IFT20: variants seen among roughly 807,000 people sequenced by gnomAD.
The protein encoded by IFT20 is intraflagellar transport protein 20 homolog.
In IFT20, 4 loss-of-function variants were observed where a neutral mutation model predicts 16.9. The observed-to-expected ratio is 0.24, with a 90% CI of 0.12 to 0.54. The LOEUF is 0.54. Among genes scored for constraint, IFT20 ranks in the 20% least tolerant of loss-of-function variants. The pLI is 0.95. For missense variants in IFT20, 154 were observed against 149.7 expected (o/e 1.03, Z -0.15); for synonymous variants, 48 against 49.9 (o/e 0.96, Z 0.16).
intron 2 of IFT20, 32 bp downstream of exon 2, chr17:28,331,827 G>A: frequency 6.2e-7 from 1 of 1,613,684 alleles, no homozygotes; most frequent in Non-Finnish European, 8.5e-7. Context: ...GCAGCTCAAA[G>A]CTGAGTGGCA....
chr17:28,330,605 G>T, intron 2 of IFT20, 77 bp from the exon 3 acceptor site: 2 of 994,068 alleles, frequency 2.0e-6, no homozygotes, highest in East Asian at 2.4e-5. Flanking sequence ...AAGGCAGTGA[G>T]AGGGCAGAGC....
At chr17:28,332,016 C>T (rs1172110204) in intron 1 of IFT20, 29 bp from the exon 2 acceptor site, 14 of 1,613,642 alleles carry the variant, frequency 8.7e-6, no homozygotes, top group Non-Finnish European at 1.2e-5. Context: ...AATTCCTCAT[C>T]ACTTCCCAGC....
chr17:28,331,735 C>T, intron 2 of IFT20, 124 bp downstream of exon 2: 2 of 1,270,870 alleles, frequency 1.6e-6, no homozygotes, highest in Non-Finnish European at 2.2e-6. Flanking sequence ...CGTGGGAACT[C>T]ACAGACGCCA....
At chr17:28,333,901 A>T (rs1236447020) in intron 1 of IFT20, among the ~76,000 whole-genome samples, 1 of 152,168 alleles carries the variant, frequency 6.6e-6, no homozygotes, top group Non-Finnish European at 1.5e-5. Flanking sequence ...ACTGCACTCC[A>T]GCCTGGGCAA....
At chr17:28,329,320 T>A in intron 3 of IFT20, 44 bp from the exon 4 acceptor site, 1 of 1,484,564 alleles carries the variant, frequency 6.7e-7, no homozygotes, top group Non-Finnish European at 9.4e-7. Flanking sequence ...TAAAACCATC[T>A]ACAGCATCAA....
intron 1 of IFT20, among the ~76,000 whole-genome samples, chr17:28,334,170 G>T (rs1555576997): frequency 6.6e-6 from 1 of 152,232 alleles, no homozygotes; most frequent in Non-Finnish European, 1.5e-5. Context: ...ATTACTATAA[G>T]GAAAAGTACA....
At chr17:28,332,204 C>G in intron 1 of IFT20, 1 of 1,536,612 alleles carries the variant, frequency 6.5e-7, no homozygotes, top group Non-Finnish European at 8.7e-7. Context: ...CAGTGGCAGT[C>G]AGGAGGAGGT....
intron 2 of IFT20, chr17:28,331,505 G>C (rs1906776866): frequency 4.9e-6 from 1 of 202,352 alleles, no homozygotes; most frequent in Admixed American, 5.4e-5. Context: ...ACCTGCCCCT[G>C]AGAAGACTTT....
intron 3 of IFT20, 187 bp from the exon 4 acceptor site, chr17:28,329,463 C>T (rs569588849): frequency 1.9e-5 from 11 of 568,896 alleles, no homozygotes; most frequent in African/African-American, 7.5e-5. Context: ...AAGAACTAGA[C>T]GGCAGCTTTG....
Position 28,331,970 on chromosome 17 carries a change from G to A in IFT20, c.16C>T (p.Leu6=), listed in dbSNP as rs1555576632. ...TCAAAGTGTAGCCCTGCTTCACCCA[G>A]GATGTCCTTGGCCATGGCTGTAAAG... MAKDI[L]GEAGLHFDEL... The change falls in exon 2 of 5, where the codon CTG becomes TTG. Residue 6 remains leucine (L), a synonymous_variant. Coordinates refer to ENST00000395418, the MANE Select transcript of IFT20 (RefSeq NM_001267776.2). The A allele has an allele frequency of 1.8e-5, 29 of 1,614,226 alleles. No homozygotes were observed. The highest frequency in any genetic ancestry group is 2.4e-5 in the Non-Finnish European group (28 of 1,180,036).
intron 3 of IFT20, 25 bp from the exon 4 acceptor site, chr17:28,329,301 T>C (rs1389213772): frequency 6.3e-7 from 1 of 1,583,312 alleles, no homozygotes; most frequent in Non-Finnish European, 8.7e-7. Context: ...GAGAAGGCCA[T>C]GGCTTCATTA....
intron 4 of IFT20, 109 bp from the exon 5 acceptor site, chr17:28,328,842 A>G (rs1906514652): frequency 1.3e-6 from 1 of 770,480 alleles, no homozygotes; most frequent in Middle Eastern, 3.8e-4. Context: ...AAATGGTGTG[A>G]GTTCAGAATG....
chr17:28,330,235 CAAAAAA>C, intron 3 of IFT20: 2 of 526,842 alleles, frequency 3.8e-6, no homozygotes, highest in Non-Finnish European at 6.6e-6. Flanking sequence ...GACTCTGTCT[CAAAAAA>C]AAAAAAAAAA....
At chr17:28,332,513 T>A in intron 1 of IFT20, 1 of 294,106 alleles carries the variant, frequency 3.4e-6, no homozygotes, top group Non-Finnish European at 6.5e-6. Context: ...TTGTAAGCCA[T>A]CAGTGTATTT....
intron 3 of IFT20, chr17:28,329,598 T>C (rs1477116518): frequency 4.1e-6 from 1 of 242,896 alleles, no homozygotes; most frequent in African/African-American, 2.3e-5. Flanking sequence ...ATTTATAAAA[T>C]GAGGATAAGA....
intron 1 of IFT20, among the ~76,000 whole-genome samples, chr17:28,333,186 A>G (rs1906912424): frequency 1.3e-5 from 2 of 152,062 alleles, no homozygotes; most frequent in Admixed American, 1.3e-4. Context: ...TGCTATGCCA[A>G]TTCTAAAACC....
chr17:28,331,316 C>T (rs1236476357), intron 2 of IFT20: 1 of 155,356 alleles, frequency 6.4e-6, no homozygotes, highest in Non-Finnish European at 1.4e-5. Flanking sequence ...TAGGAAACCC[C>T]CCAGAAAGCT....
At chr17:28,328,843 G>A in intron 4 of IFT20, 110 bp from the exon 5 acceptor site, 3 of 768,268 alleles carry the variant, frequency 3.9e-6, no homozygotes, top group Non-Finnish European at 6.7e-6. Context: ...AATGGTGTGA[G>A]TTCAGAATGA....
rs181131314 is a variant in IFT20 at position 28,330,368 on chromosome 17, A to G, written c.213+75T>C. The G allele has an allele frequency of 7.8e-3, 7,916 of 1,014,706 alleles. 47 individuals are homozygous for G. Among genetic ancestry groups the G allele is most frequent in the Non-Finnish European group, 9.4e-3 (5,963 of 632,966 alleles). The allele number at this position is 1,014,706 out of a possible 1,614,324, so 62.9% of individuals were successfully genotyped here. ...GCCCTCTACCCCTCTAAATAAATCA[A>G]GAGGGAAGAGGGATGAGAGGGTAGT... On this transcript the variant is annotated intron_variant, in intron 3 of 4. Transcript: ENST00000395418.
Sources: allele counts gnomAD v4.1 joint callset (sites outside exome capture counted in the v4.1 genomes callset), GRCh38; gene constraint gnomAD v4.1.1; transcripts MANE v1.5; gene names NCBI Gene and HGNC (gene_info 2026-07-23, HGNC 2026-07-21).